The following STX18 variants were observed in gnomAD, a reference collection of about 807,000 sequenced individuals.
The protein encoded by STX18 is syntaxin 18.
In STX18, 40 loss-of-function variants were observed where a neutral mutation model predicts 50.1. The observed-to-expected ratio is 0.80, with a 90% confidence interval of 0.62 to 1.04. The LOEUF is 1.04. Ranked by LOEUF, STX18 falls within the 50% of genes least tolerant of loss-of-function variation. The pLI is 0.00. For missense variants in STX18, 410 were observed against 415.8 expected, an observed-to-expected ratio of 0.99 and a Z score of 0.12; for synonymous variants, 158 against 151.8, an observed-to-expected ratio of 1.04 and a Z score of -0.30.
chr4:4,427,005 T>C (rs557151209), intron 7 of STX18, among the ~76,000 whole-genome samples: 8,393 of 152,178 alleles, frequency 0.055, 769 homozygotes, highest in African/African-American at 0.19. Context: ...TGAATCACCT[T>C]CTCTTACTTT....
At chr4:4,510,976 G>C (rs1454895538) in intron 1 of STX18, among the ~76,000 whole-genome samples, 4 of 151,928 alleles carry the variant, frequency 2.6e-5, no homozygotes, top group African/African-American at 7.2e-5. Flanking sequence ...ACACAGGGAG[G>C]GGAACAACAC....
At chr4:4,492,818 T>C (rs1249707546) in intron 1 of STX18, among the ~76,000 whole-genome samples, 1 of 152,142 alleles carries the variant, frequency 6.6e-6, no homozygotes, top group Non-Finnish European at 1.5e-5. Context: ...CTGAAAAAAA[T>C]GTGTGCATTT....
chr4:4,479,955 A>G (rs1463699057), intron 1 of STX18, among the ~76,000 whole-genome samples: 1 of 152,242 alleles, frequency 6.6e-6, no homozygotes, highest in Non-Finnish European at 1.5e-5. Flanking sequence ...ACCAGGAACT[A>G]CTAACATGGA....
At chr4:4,528,713 A>G (rs1474405850) in intron 1 of STX18, among the ~76,000 whole-genome samples, 1 of 152,214 alleles carries the variant, frequency 6.6e-6, no homozygotes, top group Non-Finnish European at 1.5e-5. Context: ...GCTGGCTCAC[A>G]GCCGAGTGTG....
intron 2 of STX18, among the ~76,000 whole-genome samples, chr4:4,467,834 A>T (rs952898151): frequency 6.6e-6 from 1 of 152,212 alleles, no homozygotes; most frequent in Non-Finnish European, 1.5e-5. Context: ...CCTGAAACAG[A>T]GCCCCGGAGT....
At chr4:4,541,676 T>A (rs1731603994) in intron 1 of STX18, 121 bp downstream of exon 1, 1 of 1,133,922 alleles carries the variant, frequency 8.8e-7, no homozygotes, top group African/African-American at 1.6e-5. Context: ...AACTCTTCTG[T>A]CCCCCTTAGA....
chr4:4,461,771 C>T (rs1053793752), intron 2 of STX18: 1 of 435,642 alleles, frequency 2.3e-6, no homozygotes, highest in African/African-American at 2.0e-5. Context: ...TTCCCTAATC[C>T]TCATGTTTCT....
intron 1 of STX18, among the ~76,000 whole-genome samples, chr4:4,511,366 G>A (rs552427142): frequency 5.3e-5 from 8 of 152,264 alleles, no homozygotes; most frequent in Non-Finnish European, 8.8e-5. Context: ...TTTGTTCTAT[G>A]AAACTGAACA....
chr4:4,495,553 T>TTTTTC (rs1424876191), intron 1 of STX18, among the ~76,000 whole-genome samples: 1 of 144,072 alleles, frequency 6.9e-6, no homozygotes, highest in African/African-American at 2.6e-5. Context: ...TGGCTAATTT[T>TTTTTC]TTTTCTTTTC....
chr4:4,485,038 G>C (rs1038118023), intron 1 of STX18, among the ~76,000 whole-genome samples: 1 of 152,234 alleles, frequency 6.6e-6, no homozygotes, highest in Admixed American at 6.5e-5. Context: ...TGTGTGTGGA[G>C]AGTGTGCATG....
At chr4:4,497,356 A>G (rs1430793969) in intron 1 of STX18, among the ~76,000 whole-genome samples, 1 of 152,198 alleles carries the variant, frequency 6.6e-6, no homozygotes, top group East Asian at 1.9e-4. Flanking sequence ...AGGGGGAGAA[A>G]TGTACTTAAT....
intron 1 of STX18, among the ~76,000 whole-genome samples, chr4:4,516,249 A>G (rs994607909): frequency 6.6e-6 from 1 of 152,210 alleles, no homozygotes. Flanking sequence ...GATTGCCTGT[A>G]AGGTCAGACT....
rs565196693 is a variant in STX18, at chr4:4,479,217, G to C, written c.169-7511C>G. On this transcript the variant is annotated intron_variant, in intron 1 of 10. Transcript: ENST00000306200. Reference sequence around the variant, plus strand: ...TTTGCTTCTCCTAACAATCCCTTAGGGTAGGTATCATTATTACCCTTTTGC... The same window carrying C: ...TTTGCTTCTCCTAACAATCCCTTAGCGTAGGTATCATTATTACCCTTTTGC... Among the ~76,000 whole-genome samples the C allele has an allele frequency of 3.6e-3, 554 of 152,138 alleles. 3 individuals carry two copies. The highest frequency in any genetic ancestry group is 0.017 in the Middle Eastern group (5 of 292).
chr4:4,501,736 G>A (rs774902177), intron 1 of STX18, among the ~76,000 whole-genome samples: 11 of 152,096 alleles, frequency 7.2e-5, no homozygotes, highest in Admixed American at 1.3e-4. Context: ...ACAATAACTC[G>A]GCAAATTGGA....
rs1724778307 is a variant in STX18, at chr4:4,419,194, G to A, written c.*840C>T. On this transcript the variant is annotated 3_prime_UTR_variant, in exon 11 of 11. Coordinates refer to ENST00000306200, the MANE Select transcript of STX18 (RefSeq NM_016930.4). ...CCTTCAGTTACACATAGGTGTTCCT[G>A]TTTACAGTTCCTGGAGGTCAGAAGC... 1.3e-5 allele frequency: 2 copies of A among 152,236 alleles called. No individual in the cohort carries two copies. Among genetic ancestry groups the A allele is most frequent in the Non-Finnish European group, 2.9e-5 (2 of 68,058 alleles). The allele number at this position is 152,236 out of a possible 1,614,324, so 9.4% of individuals were successfully genotyped here. A position where few individuals can be genotyped will look rare whatever the true frequency, so the allele number is the denominator to read the frequency against.
At chr4:4,447,583 T>A (rs1193138190) in intron 5 of STX18, among the ~76,000 whole-genome samples, 1 of 94,360 alleles carries the variant, frequency 1.1e-5, no homozygotes, top group Admixed American at 1.8e-4. Context: ...AGAGCGAGAC[T>A]CCGTCTCACA....
chr4:4,477,382 G>A (rs1577357797), intron 1 of STX18, among the ~76,000 whole-genome samples: 1 of 152,116 alleles, frequency 6.6e-6, no homozygotes, highest in Non-Finnish European at 1.5e-5. Flanking sequence ...AACAATCTCT[G>A]GCTACTTTAT....
At chr4:4,507,551 C>T (rs1413527303) in intron 1 of STX18, 5 of 768,730 alleles carry the variant, frequency 6.5e-6, no homozygotes, top group African/African-American at 5.1e-5. Flanking sequence ...CAAAAGCGTC[C>T]CAGGAGTGCA....
chr4:4,462,037 A>G, intron 2 of STX18: 1 of 453,732 alleles, frequency 2.2e-6, no homozygotes, highest in South Asian at 1.6e-5. Flanking sequence ...ATTCAAGAGC[A>G]GAGTATCAAC....
Sources: gnomAD v4.1 joint callset for allele counts (sites outside exome capture counted in the v4.1 genomes callset) on GRCh38, gnomAD v4.1.1 for gene constraint, MANE v1.5 for transcripts, NCBI Gene and HGNC (gene_info 2026-07-23, HGNC 2026-07-21) for gene names.